FRMD4A: variants seen among roughly 807,000 people sequenced by gnomAD.
The protein encoded by FRMD4A is FERM domain-containing protein 4A.
Under a neutral mutation model 129.1 loss-of-function variants are expected in FRMD4A, and 29 were observed. The observed-to-expected ratio is 0.22, with a 90% CI of 0.17 to 0.31. The LOEUF (loss-of-function observed/expected upper bound fraction) is 0.31. Among genes scored for constraint, FRMD4A ranks in the 10% least tolerant of loss-of-function variants. The pLI, the probability that FRMD4A is intolerant of heterozygous loss-of-function variation, is 1.00. For synonymous variants in FRMD4A, 634 were observed against 571.6 expected (o/e 1.11, Z -1.56); for missense variants, 1,272 against 1,375.8 (o/e 0.92, Z 1.19).
At chr10:14,076,613 C>T (rs1444319547) in intron 2 of FRMD4A, among the ~76,000 whole-genome samples, 1 of 151,592 alleles carries the variant, frequency 6.6e-6, no homozygotes, top group East Asian at 1.9e-4. Context: ...GCACTCCAGC[C>T]TGGGCGACAG....
intron 12 of FRMD4A, among the ~76,000 whole-genome samples, chr10:13,730,156 G>T (rs1402295325): frequency 6.6e-6 from 1 of 152,124 alleles, no homozygotes; most frequent in Non-Finnish European, 1.5e-5. Flanking sequence ...AAGGCAGATT[G>T]TCCCAGAGAT....
At chr10:13,904,991 T>TAAAA (rs1565009623) in intron 2 of FRMD4A, among the ~76,000 whole-genome samples, 1 of 2,286 alleles carries the variant, frequency 4.4e-4, no homozygotes, top group African/African-American at 1.0e-3. Context: ...AGACTCTATC[T>TAAAA]CAAAAAAAAA....
intron 2 of FRMD4A, among the ~76,000 whole-genome samples, chr10:13,978,099 T>C (rs1351409011): frequency 1.3e-5 from 2 of 152,232 alleles, no homozygotes; most frequent in African/African-American, 4.8e-5. Flanking sequence ...TGTACCATTT[T>C]ACATTTCCAC....
At chr10:14,196,141 A>G (rs1842465599) in intron 2 of FRMD4A, among the ~76,000 whole-genome samples, 1 of 147,234 alleles carries the variant, frequency 6.8e-6, no homozygotes, top group South Asian at 2.1e-4. Context: ...GCACATAAAC[A>G]TATATACTCA....
chr10:13,768,267 A>G (rs1294418787), intron 6 of FRMD4A, among the ~76,000 whole-genome samples: 1 of 152,134 alleles, frequency 6.6e-6, no homozygotes, highest in Non-Finnish European at 1.5e-5. Context: ...AGGGTCTCCA[A>G]GTGTTTCTAA....
intron 2 of FRMD4A, among the ~76,000 whole-genome samples, chr10:13,924,466 C>G (rs1010094243): frequency 3.3e-5 from 5 of 151,690 alleles, no homozygotes; most frequent in African/African-American, 1.2e-4. Context: ...GGCCACCACA[C>G]TTACCGTTCC....
At chr10:13,689,112 C>T (rs2085389169) in intron 15 of FRMD4A, among the ~76,000 whole-genome samples, 1 of 149,144 alleles carries the variant, frequency 6.7e-6, no homozygotes, top group African/African-American at 2.5e-5. Flanking sequence ...TGTCCTTAAA[C>T]AGGCAAACCA....
intron 2 of FRMD4A, among the ~76,000 whole-genome samples, chr10:14,189,955 C>A (rs17154811): frequency 6.6e-6 from 1 of 152,082 alleles, no homozygotes; most frequent in Non-Finnish European, 1.5e-5. Context: ...CTTCATAGGG[C>A]GCTCTCTGAC....
At chr10:13,996,727 T>G (rs1004017961) in intron 2 of FRMD4A, among the ~76,000 whole-genome samples, 1 of 152,182 alleles carries the variant, frequency 6.6e-6, no homozygotes, top group Non-Finnish European at 1.5e-5. Flanking sequence ...TCACCCTAAT[T>G]GGCAGATAAT....
chr10:14,263,281 C>T (rs912835189), intron 2 of FRMD4A, among the ~76,000 whole-genome samples: 1 of 152,168 alleles, frequency 6.6e-6, no homozygotes, highest in Non-Finnish European at 1.5e-5. Context: ...AGAGCTCAGG[C>T]CTCTGCACAG....
At chr10:13,668,483 C>A (rs1452161956) in intron 17 of FRMD4A, 1 of 152,244 alleles carries the variant, frequency 6.6e-6, no homozygotes, top group East Asian at 1.9e-4. Flanking sequence ...AAGCAAAGTG[C>A]GTTTCCAGGA....
intron 15 of FRMD4A, among the ~76,000 whole-genome samples, chr10:13,676,360 C>G (rs1208531451): frequency 6.6e-6 from 1 of 151,370 alleles, no homozygotes; most frequent in African/African-American, 2.4e-5. Context: ...CTCCTAGGTT[C>G]AAGAGATTCT....
chr10:14,295,103 T>C (rs997137077), intron 2 of FRMD4A, among the ~76,000 whole-genome samples: 1 of 152,186 alleles, frequency 6.6e-6, no homozygotes, highest in Non-Finnish European at 1.5e-5. Flanking sequence ...GGCCTTGGCA[T>C]AGTTTTACAT....
chr10:13,972,938 C>T (rs926310823), intron 2 of FRMD4A, among the ~76,000 whole-genome samples: 2 of 152,200 alleles, frequency 1.3e-5, no homozygotes, highest in South Asian at 2.1e-4. Flanking sequence ...TCTGTCTCTT[C>T]GACCTTAACT....
At chr10:13,769,838 A>G (rs78682187) in intron 6 of FRMD4A, among the ~76,000 whole-genome samples, 1 of 151,586 alleles carries the variant, frequency 6.6e-6, no homozygotes, top group African/African-American at 2.4e-5. Flanking sequence ...GGGACATCAC[A>G]TTTCATCTTC....
chr10:14,193,380 A>G (rs535860501), intron 2 of FRMD4A, among the ~76,000 whole-genome samples: 1 of 152,264 alleles, frequency 6.6e-6, no homozygotes, highest in South Asian at 2.1e-4. Context: ...CTTATTAATC[A>G]CAAACCAAAC....
chr10:13,683,562 G>A (rs1478189869), intron 15 of FRMD4A, among the ~76,000 whole-genome samples: 1 of 151,888 alleles, frequency 6.6e-6, no homozygotes, highest in African/African-American at 2.4e-5. Context: ...ACACCACTGC[G>A]CTCCAGCCTG....
chr10:13,721,100 G>A (rs1015236046), intron 12 of FRMD4A, among the ~76,000 whole-genome samples: 1 of 152,162 alleles, frequency 6.6e-6, no homozygotes. Context: ...CAGTGACAAG[G>A]TACTCCCCTT....
chr10:13,794,797 C>T lies in FRMD4A; in HGVS notation c.299+1699G>A, dbSNP rs112518266. On this transcript the variant is annotated intron_variant, in intron 5 of 24. Coordinates refer to ENST00000357447, the MANE Select transcript of FRMD4A (RefSeq NM_018027.5). The stretch of plus-strand genomic sequence containing the variant: ...ATGGTGGAAGCGTCTATTATGGCTA[C>T]GGATCAGAAGTGGATGTTACATCTG... Among the ~76,000 whole-genome samples the T allele has an allele frequency of 1.3e-3, 205 of 152,282 alleles. 4 individuals carry two copies. The highest frequency in any genetic ancestry group is 6.8e-3 in the Middle Eastern group (2 of 294).
Sources: gnomAD v4.1 joint callset for allele counts (sites outside exome capture counted in the v4.1 genomes callset) on GRCh38, gnomAD v4.1.1 for gene constraint, MANE v1.5 for transcripts, NCBI Gene and HGNC (gene_info 2026-07-23, HGNC 2026-07-21) for gene names.